Variants in SCAF8 observed in about 807,000 individuals in gnomAD.
SCAF8 encodes SR-related and CTD-associated factor 8.
A neutral mutation model predicts 140.5 loss-of-function variants in SCAF8; 23 were observed. That is an observed-to-expected ratio of 0.16 (90% confidence interval 0.12 to 0.23). SCAF8 has a LOEUF of 0.23. Among genes scored for constraint, SCAF8 ranks in the 10% least tolerant of loss-of-function variants. The probability of loss-of-function intolerance (pLI) is 1.00; values close to 1 mark genes in which losing one functional copy is unlikely to be tolerated. For synonymous variants in SCAF8, 575 were observed against 528.9 expected (o/e 1.09, Z -1.20); for missense variants, 1,397 against 1,555.7 (o/e 0.90, Z 1.72).
intron 13 of SCAF8, among the ~76,000 whole-genome samples, 194 bp downstream of exon 13, chr6:154,816,010 G>A (rs116691191): frequency 0.017 from 2,560 of 152,078 alleles, 28 homozygotes; most frequent in Non-Finnish European, 0.024. Context: ...TTATTTTTTA[G>A]TGGAATTCTA....
chr6:154,758,398 G>A (rs971368885), intron 1 of SCAF8, among the ~76,000 whole-genome samples: 2 of 152,160 alleles, frequency 1.3e-5, no homozygotes, highest in African/African-American at 4.8e-5. Flanking sequence ...CTTTTGAGGT[G>A]CGCACAGCAT....
chr6:154,739,605 T>C (rs1282724313), intron 1 of SCAF8, among the ~76,000 whole-genome samples: 1 of 152,258 alleles, frequency 6.6e-6, no homozygotes, highest in Non-Finnish European at 1.5e-5. Flanking sequence ...GAGAGGATTC[T>C]GTTACCTTTA....
intron 1 of SCAF8, among the ~76,000 whole-genome samples, chr6:154,773,516 C>T (rs894600401): frequency 6.6e-6 from 1 of 152,134 alleles, no homozygotes; most frequent in Non-Finnish European, 1.5e-5. Flanking sequence ...ACAATGACCA[C>T]GTGTACAGGT....
At chr6:154,830,102 G>C (rs1778688798) in intron 18 of SCAF8, among the ~76,000 whole-genome samples, 1 of 152,068 alleles carries the variant, frequency 6.6e-6, no homozygotes, top group Non-Finnish European at 1.5e-5. Context: ...TTAATTAATG[G>C]AAAAAGAGAA....
chr6:154,829,328 T>C (rs1778660971), intron 18 of SCAF8, among the ~76,000 whole-genome samples: 1 of 152,104 alleles, frequency 6.6e-6, no homozygotes, highest in Non-Finnish European at 1.5e-5. Context: ...ATTTCAAAAG[T>C]AATGTAATGC....
At chr6:154,787,310 A>G (rs558066909) in intron 3 of SCAF8, among the ~76,000 whole-genome samples, 12 of 152,236 alleles carry the variant, frequency 7.9e-5, no homozygotes, top group Non-Finnish European at 1.6e-4. Context: ...GTGAGCCATG[A>G]TGGCACCACT....
intron 12 of SCAF8, among the ~76,000 whole-genome samples, chr6:154,813,270 A>G (rs1778149275): frequency 6.6e-6 from 1 of 152,012 alleles, no homozygotes; most frequent in Admixed American, 6.5e-5. Flanking sequence ...CAAACCTATA[A>G]TCCCAGTACT....
chr6:154,761,319 C>G (rs1264471604), intron 1 of SCAF8, among the ~76,000 whole-genome samples: 7 of 152,086 alleles, frequency 4.6e-5, no homozygotes, highest in Admixed American at 4.6e-4. Context: ...AACCCCATCT[C>G]TACTAGAAAT....
Position 154,832,406 on chromosome 6 carries a change from C to G in SCAF8, c.2827C>G (p.Gln943Glu), listed in dbSNP as rs886848623. ...QAPGPRFPLI[Q>E]PGIPPQRGIP... ...ACCTGGGCCAAGATTCCCTTTAATA[C>G]AGCCTGGAATTCCACCCCAACGGGG... is the stretch of plus-strand genomic sequence containing the variant. The change falls in exon 20 of 20, where the codon CAG becomes GAG. Residue 943 changes from glutamine (Q) to glutamate (E), a missense_variant. This residue lies in a region of SCAF8 where 930 missense variants were observed against 874.6 expected (regional missense o/e 1.06). Transcript: ENST00000367178. The G allele has an allele frequency of 5.6e-6, 9 of 1,614,010 alleles. No homozygotes were observed. The African/African-American group carries it at 1.2e-4, about 22-fold the overall frequency.
At position 154,741,653 on chromosome 6, in the gene SCAF8, C is replaced by T. The variant is rs546050393; in HGVS notation, c.30+7723C>T. On this transcript the variant is annotated intron_variant, in intron 1 of 19. Transcript: ENST00000367178. Reference sequence around the variant, plus strand: ...AACTCCTGACCTCAAGTGATCCGCCCGCCTCGGCCTCCCAAAGTGCTGGGA... The same window carrying T: ...AACTCCTGACCTCAAGTGATCCGCCTGCCTCGGCCTCCCAAAGTGCTGGGA... Among the ~76,000 whole-genome samples, 1,000 of 152,164 alleles carry T rather than the reference C, an allele frequency of 6.6e-3. 10 individuals carry two copies. The highest frequency in any genetic ancestry group is 9.7e-3 in the Non-Finnish European group (657 of 67,974).
At chr6:154,776,954 G>A (rs1017305430) in intron 2 of SCAF8, among the ~76,000 whole-genome samples, 2 of 152,228 alleles carry the variant, frequency 1.3e-5, no homozygotes, top group African/African-American at 4.8e-5. Flanking sequence ...GCCGAGGTGG[G>A]TGGATCACTT....
At chr6:154,791,857 T>A (rs1344833919) in intron 4 of SCAF8, among the ~76,000 whole-genome samples, 1 of 151,922 alleles carries the variant, frequency 6.6e-6, no homozygotes, top group Non-Finnish European at 1.5e-5. Context: ...GATTAGAGTG[T>A]GGGTTGGGAT....
chr6:154,802,684 A>G (rs1325774936), intron 7 of SCAF8, among the ~76,000 whole-genome samples: 1 of 152,204 alleles, frequency 6.6e-6, no homozygotes, highest in Admixed American at 6.5e-5. Context: ...ACTAAAAATA[A>G]CTAGTCAGTA....
At chr6:154,801,783 A>G (rs910750074) in intron 6 of SCAF8, among the ~76,000 whole-genome samples, 188 bp from the exon 7 acceptor site, 1 of 151,396 alleles carries the variant, frequency 6.6e-6, no homozygotes, top group Middle Eastern at 3.2e-3. Context: ...CAGAAGTAAG[A>G]CAAACTTATT....
In SCAF8 at chr6:154,795,152, TCTG is replaced by T; in HGVS notation, c.606+14_606+16del. ...TCAAGGCCAGCAGGTGAGCGGTTTT[TCTG>T]TTATATCAAGAATAATTTAGAATTT... On this transcript the variant is annotated intron_variant, in intron 6 of 19. Transcript: ENST00000367178. 2.1e-6 allele frequency: 1 copy of T among 478,712 alleles called. No homozygotes were observed. The allele number at this position is 478,712 out of a possible 1,614,324, so 29.7% of individuals were successfully genotyped here. A position where few individuals can be genotyped will look rare whatever the true frequency, so the allele number is the denominator to read the frequency against.
chr6:154,741,649 C>T lies in SCAF8; in HGVS notation c.30+7719C>T, dbSNP rs550658691. On this transcript the variant is annotated intron_variant, in intron 1 of 19. Coordinates refer to ENST00000367178, the MANE Select transcript of SCAF8 (RefSeq NM_014892.5). The stretch of plus-strand genomic sequence containing the variant: ...CTCGAACTCCTGACCTCAAGTGATC[C>T]GCCCGCCTCGGCCTCCCAAAGTGCT... Among the ~76,000 whole-genome samples the T allele has an allele frequency of 5.3e-5, 8 of 152,068 alleles. No homozygotes were observed. In the East Asian group the frequency reaches 9.7e-4, roughly 18 times the overall value.
Position 154,824,212 on chromosome 6 carries a change from CTTT to C in SCAF8, c.1927-18_1927-16del, listed in dbSNP as rs1778498850. The C allele has an allele frequency of 6.2e-7, 1 of 1,610,548 alleles. No homozygotes were observed. The highest frequency in any genetic ancestry group is 1.3e-5 in the African/African-American group (1 of 74,840). On this transcript the variant is annotated intron_variant, in intron 16 of 19. Coordinates refer to ENST00000367178, the MANE Select transcript of SCAF8 (RefSeq NM_014892.5). Reference sequence around the variant, plus strand: ...GCAGGTGAATAAACTGATGAGTGAACTTTTTTGTCTATCCACAAAAGATTCCAG... The same window carrying C: ...GCAGGTGAATAAACTGATGAGTGAACTTTGTCTATCCACAAAAGATTCCAG...
chr6:154,761,471 CAA>C lies in SCAF8; in HGVS notation c.31-12517_31-12516del, dbSNP rs1776397312. On this transcript the variant is annotated intron_variant, in intron 1 of 19. Coordinates refer to ENST00000367178, the MANE Select transcript of SCAF8 (RefSeq NM_014892.5). ...AGTGCACTCCATACTCCAGCCTGGGCAATAGAGAGAGACCCCTTCTCCAAACA... is the reference window on the plus strand; with the variant it reads ...AGTGCACTCCATACTCCAGCCTGGGCTAGAGAGAGACCCCTTCTCCAAACA... Among the ~76,000 whole-genome samples the C allele has an allele frequency of 3.3e-5, 5 of 152,182 alleles. No homozygotes were observed. The South Asian group carries it at 1.0e-3, about 32-fold the overall frequency.
chr6:154,809,031 A>G (rs1183771730), intron 11 of SCAF8, among the ~76,000 whole-genome samples: 1 of 152,042 alleles, frequency 6.6e-6, no homozygotes, highest in Non-Finnish European at 1.5e-5. Context: ...TGAGACAGGG[A>G]TTTTGAATTA....
Sources: gnomAD v4.1 joint callset for allele counts (sites outside exome capture counted in the v4.1 genomes callset) on GRCh38, gnomAD v4.1.1 for gene constraint, gnomAD v4.1.1 regional missense constraint, MANE v1.5 for transcripts, NCBI Gene and HGNC (gene_info 2026-07-23, HGNC 2026-07-21) for gene names.